Variants in SYNDIG1 observed in about 807,000 individuals in gnomAD.
SYNDIG1 encodes the protein synapse differentiation inducing 1.
Under a neutral mutation model 19.4 loss-of-function variants are expected in SYNDIG1, and 9 were observed. The observed-to-expected ratio is 0.46, with a 90% CI of 0.28 to 0.81. SYNDIG1 has a LOEUF of 0.81. Ranked by LOEUF, SYNDIG1 falls within the 30% of genes least tolerant of loss-of-function variation. The pLI is 0.12. For missense variants in SYNDIG1, 311 were observed against 343.3 expected (o/e 0.91, Z 0.74); for synonymous variants, 141 against 145.9 (o/e 0.97, Z 0.24).
chr20:24,642,221 G>A (rs551327908), intron 3 of SYNDIG1, among the ~76,000 whole-genome samples: 12 of 152,200 alleles, frequency 7.9e-5, no homozygotes, highest in Admixed American at 2.0e-4. Context: ...AGCACTGATC[G>A]GGTACATCGT....
At chr20:24,630,928 A>G (rs951727205) in intron 3 of SYNDIG1, among the ~76,000 whole-genome samples, 8 of 152,258 alleles carry the variant, frequency 5.3e-5, no homozygotes, top group Middle Eastern at 3.2e-3. Flanking sequence ...CTCTCTAAAG[A>G]AAGGAGGACA....
intron 1 of SYNDIG1, among the ~76,000 whole-genome samples, chr20:24,507,257 A>T (rs1052325555): frequency 6.6e-6 from 1 of 152,204 alleles, no homozygotes; most frequent in Admixed American, 6.5e-5. Context: ...TGCCCACAGG[A>T]GCGTGCTGCC....
chr20:24,663,912 G>A (rs934642336), intron 3 of SYNDIG1, among the ~76,000 whole-genome samples: 3 of 152,148 alleles, frequency 2.0e-5, no homozygotes, highest in Non-Finnish European at 2.9e-5. Flanking sequence ...AGATGTGGGC[G>A]TGTGTGGGAG....
rs371185593 is a variant in SYNDIG1, at chr20:24,613,358, C to T, written c.618+28365C>T. Among the ~76,000 whole-genome samples, 672 of 152,240 alleles carry T rather than the reference C, an allele frequency of 4.4e-3. 6 individuals carry two copies. The highest frequency in any genetic ancestry group is 0.016 in the African/African-American group (644 of 41,530). ...AAAGCACCATCCGCACCTGGACAGCCGCTCTCTGTCCTGCCGTCTCCCTGA... is the reference window on the plus strand; with the variant it reads ...AAAGCACCATCCGCACCTGGACAGCTGCTCTCTGTCCTGCCGTCTCCCTGA... On this transcript the variant is annotated intron_variant, in intron 3 of 3. Transcript: ENST00000376862.
chr20:24,507,777 G>T (rs757713255), intron 1 of SYNDIG1, among the ~76,000 whole-genome samples: 1 of 152,222 alleles, frequency 6.6e-6, no homozygotes, highest in Non-Finnish European at 1.5e-5. Context: ...GGCAGCAGGG[G>T]CCTCCTGCGG....
chr20:24,472,267 G>A (rs2055489567), intron 1 of SYNDIG1, among the ~76,000 whole-genome samples: 1 of 152,224 alleles, frequency 6.6e-6, no homozygotes, highest in South Asian at 2.1e-4. Context: ...AGATATGTTA[G>A]CAATAGGAAC....
At chr20:24,515,039 G>T (rs1362219394) in intron 1 of SYNDIG1, among the ~76,000 whole-genome samples, 3 of 152,150 alleles carry the variant, frequency 2.0e-5, no homozygotes, top group African/African-American at 7.2e-5. Flanking sequence ...GGTACATAAC[G>T]AAATGAAGGC....
intron 2 of SYNDIG1, among the ~76,000 whole-genome samples, chr20:24,580,398 CTTTGTTTGTTTG>C (rs201589200): frequency 6.6e-6 from 1 of 151,836 alleles, no homozygotes; most frequent in African/African-American, 2.4e-5. Context: ...TTTGTCTGAG[CTTTGTTTGTTTG>C]TTTGTTTGTT....
chr20:24,588,418 C>CGCCA (rs1177843817), intron 3 of SYNDIG1, among the ~76,000 whole-genome samples: 2 of 152,334 alleles, frequency 1.3e-5, no homozygotes, highest in Middle Eastern at 3.4e-3. Flanking sequence ...ACCTACTGTG[C>CGCCA]GCCAGGTTCA....
intron 2 of SYNDIG1, among the ~76,000 whole-genome samples, chr20:24,546,752 C>T (rs1284976398): frequency 1.3e-5 from 2 of 151,906 alleles, no homozygotes; most frequent in African/African-American, 4.8e-5. Context: ...AGTACTGCAA[C>T]CACAGAGCCA....
chr20:24,538,205 A>G (rs887932764), intron 1 of SYNDIG1, among the ~76,000 whole-genome samples: 20 of 152,188 alleles, frequency 1.3e-4, no homozygotes, highest in Non-Finnish European at 2.2e-4. Context: ...ACCACCATCT[A>G]TCTACCATCT....
chr20:24,514,662 A>C (rs1240364040), intron 1 of SYNDIG1, among the ~76,000 whole-genome samples: 1 of 152,226 alleles, frequency 6.6e-6, no homozygotes, highest in African/African-American at 2.4e-5. Context: ...TTAGACTCCC[A>C]TGCATTAATA....
Position 24,625,843 on chromosome 20 carries a change from A to C in SYNDIG1, c.619-39503A>C, listed in dbSNP as rs1600777521. ...CCCTTTTCTATTCCACAAAACCGCC[A>C]TTGTCATCATGGCCTGTTCTCAATG... On this transcript the variant is annotated intron_variant, in intron 3 of 3. Coordinates refer to ENST00000376862, the MANE Select transcript of SYNDIG1 (RefSeq NM_024893.3). Among the ~76,000 whole-genome samples the C allele has an allele frequency of 1.6e-4, 25 of 152,352 alleles. No individual in the cohort carries two copies. The South Asian group carries it at 5.2e-3, about 32-fold the overall frequency.
chr20:24,555,837 TGAG>T (rs762013650), intron 2 of SYNDIG1, among the ~76,000 whole-genome samples: 2 of 152,338 alleles, frequency 1.3e-5, no homozygotes, highest in Non-Finnish European at 1.5e-5. Flanking sequence ...GGTGCAGAGC[TGAG>T]TTCAATTCCT....
At chr20:24,652,826 G>C (rs899179730) in intron 3 of SYNDIG1, among the ~76,000 whole-genome samples, 1 of 152,180 alleles carries the variant, frequency 6.6e-6, no homozygotes, top group Non-Finnish European at 1.5e-5. Flanking sequence ...ACATAATCCA[G>C]ACTCCTTGCT....
intron 3 of SYNDIG1, among the ~76,000 whole-genome samples, chr20:24,617,894 G>A (rs1020944836): frequency 2.0e-5 from 3 of 148,786 alleles, no homozygotes; most frequent in Non-Finnish European, 4.5e-5. Flanking sequence ...TTGAGAGCCC[G>A]GGGAGCGGGG....
chr20:24,592,164 C>T (rs560400938), intron 3 of SYNDIG1, among the ~76,000 whole-genome samples: 1 of 152,286 alleles, frequency 6.6e-6, no homozygotes, highest in Admixed American at 6.5e-5. Flanking sequence ...AAGTCAAGTA[C>T]AGGCTGTTCT....
At chr20:24,612,442 A>G (rs920741112) in intron 3 of SYNDIG1, among the ~76,000 whole-genome samples, 1 of 152,212 alleles carries the variant, frequency 6.6e-6, no homozygotes, top group Non-Finnish European at 1.5e-5. Flanking sequence ...AGAAGAAAGC[A>G]GTCTGCACTA....
At chr20:24,643,706 G>A (rs2059400291) in intron 3 of SYNDIG1, among the ~76,000 whole-genome samples, 1 of 152,206 alleles carries the variant, frequency 6.6e-6, no homozygotes, top group Non-Finnish European at 1.5e-5. Flanking sequence ...TTTTAAATTT[G>A]AATACAATAA....
Sources: gnomAD v4.1 joint callset for allele counts (sites outside exome capture counted in the v4.1 genomes callset) on GRCh38, gnomAD v4.1.1 for gene constraint, MANE v1.5 for transcripts, NCBI Gene and HGNC (gene_info 2026-07-23, HGNC 2026-07-21) for gene names.